The following AFF3 variants were observed in gnomAD, a reference collection of about 807,000 sequenced individuals.
AFF3 encodes AF4/FMR2 family member 3.
A neutral mutation model predicts 129.7 loss-of-function variants in AFF3; 32 were observed. The observed-to-expected ratio is 0.25, with a 90% CI of 0.19 to 0.33. The LOEUF (loss-of-function observed/expected upper bound fraction) is 0.33. Ranked by LOEUF, AFF3 falls within the 10% of genes least tolerant of loss-of-function variation. The pLI is 1.00. For synonymous variants in AFF3, 644 were observed against 635.4 expected, an observed-to-expected ratio of 1.01 and a Z score of -0.20; for missense variants, 1,373 against 1,592.0, an observed-to-expected ratio of 0.86 and a Z score of 2.34.
intron 7 of AFF3, among the ~76,000 whole-genome samples, chr2:99,920,203 C>T (rs980186341): frequency 6.6e-6 from 1 of 151,992 alleles, no homozygotes; most frequent in African/African-American, 2.4e-5. Flanking sequence ...CACTTCCCAA[C>T]TCATCCTGTA....
At chr2:99,556,154 T>C (rs1674895371) in intron 22 of AFF3, among the ~76,000 whole-genome samples, 1 of 152,174 alleles carries the variant, frequency 6.6e-6, no homozygotes, top group Admixed American at 6.5e-5. Context: ...TAAAGGCTAC[T>C]GAATGGAGGA....
At chr2:99,698,833 A>G (rs1056357500) in intron 11 of AFF3, among the ~76,000 whole-genome samples, 5 of 152,240 alleles carry the variant, frequency 3.3e-5, no homozygotes, top group African/African-American at 2.4e-5. Flanking sequence ...ACATAAATAT[A>G]ACCAAAATGT....
At chr2:99,615,957 G>A (rs1397941135) in intron 13 of AFF3, among the ~76,000 whole-genome samples, 2 of 152,192 alleles carry the variant, frequency 1.3e-5, no homozygotes, top group Non-Finnish European at 2.9e-5. Flanking sequence ...GGAAATGCTG[G>A]GAGATTCTGG....
intron 24 of AFF3, 126 bp downstream of exon 24, chr2:99,554,185 A>ATAAT (rs1409245647): frequency 1.0e-6 from 1 of 1,004,724 alleles, no homozygotes; most frequent in Non-Finnish European, 1.5e-6. Context: ...AATGCCTGAT[A>ATAAT]TAATGTCAAA....
At position 99,944,746 on chromosome 2, in the gene AFF3, G is replaced by A. The variant is rs116578218; in HGVS notation, c.873+61886C>T. Among the ~76,000 whole-genome samples, 1,330 of 152,234 alleles carry A rather than the reference G, an allele frequency of 8.7e-3. 23 individuals carry two copies. The highest frequency in any genetic ancestry group is 9.2e-3 in the Non-Finnish European group (627 of 68,008). The stretch of plus-strand genomic sequence containing the variant: ...AGGCATTGGGTGACAGAGCTGCCAC[G>A]GGGCTCGCCTCTAGCCAGAGTGATA... On this transcript the variant is annotated intron_variant, in intron 7 of 24. Coordinates refer to ENST00000672756, the MANE Select transcript of AFF3 (RefSeq NM_001386135.1).
chr2:100,070,692 G>A (rs147879617), intron 4 of AFF3, among the ~76,000 whole-genome samples: 39 of 152,218 alleles, frequency 2.6e-4, no homozygotes, highest in Admixed American at 7.2e-4. Context: ...ATTTCCAACT[G>A]ATCCAAACTG....
At chr2:99,636,899 G>C (rs73964183) in intron 13 of AFF3, among the ~76,000 whole-genome samples, 9,323 of 152,292 alleles carry the variant, frequency 0.061, 950 homozygotes, top group African/African-American at 0.21. Context: ...CTGGCCCGGG[G>C]CTACCTCTGG....
At chr2:99,674,149 G>A (rs1209134118) in intron 11 of AFF3, among the ~76,000 whole-genome samples, 1 of 152,198 alleles carries the variant, frequency 6.6e-6, no homozygotes, top group East Asian at 1.9e-4. Flanking sequence ...GCCGAGAGGT[G>A]TCGTTCTTCT....
chr2:99,846,509 C>G (rs1029463494), intron 7 of AFF3, among the ~76,000 whole-genome samples: 1 of 152,132 alleles, frequency 6.6e-6, no homozygotes, highest in Non-Finnish European at 1.5e-5. Flanking sequence ...GAAATGTACA[C>G]GAAAACACAT....
chr2:99,804,185 C>G (rs977525489), intron 8 of AFF3, among the ~76,000 whole-genome samples: 1 of 152,132 alleles, frequency 6.6e-6, no homozygotes, highest in African/African-American at 2.4e-5. Context: ...GCAAACTATT[C>G]ATGTGACAAA....
intron 15 of AFF3, among the ~76,000 whole-genome samples, chr2:99,588,153 G>A (rs1302057321): frequency 6.6e-6 from 1 of 151,996 alleles, no homozygotes; most frequent in Non-Finnish European, 1.5e-5. Flanking sequence ...ACTTTGATTG[G>A]ATCCTTGTTG....
At chr2:99,687,987 T>A (rs1432136494) in intron 11 of AFF3, among the ~76,000 whole-genome samples, 1 of 152,076 alleles carries the variant, frequency 6.6e-6, no homozygotes, top group African/African-American at 2.4e-5. Flanking sequence ...GAACTACAGG[T>A]GCCCGCCACC....
At chr2:100,127,925 C>G (rs1322634608) in intron 2 of AFF3, among the ~76,000 whole-genome samples, 1 of 152,076 alleles carries the variant, frequency 6.6e-6, no homozygotes, top group Non-Finnish European at 1.5e-5. Flanking sequence ...GAGGTCAGCA[C>G]AAGATACAGG....
intron 8 of AFF3, among the ~76,000 whole-genome samples, chr2:99,772,424 G>C (rs913196013): frequency 1.3e-5 from 2 of 152,196 alleles, no homozygotes; most frequent in East Asian, 3.9e-4. Context: ...ATACATGTCA[G>C]GATTCTCTCT....
At chr2:99,692,682 C>T (rs573696248) in intron 11 of AFF3, among the ~76,000 whole-genome samples, 9 of 152,304 alleles carry the variant, frequency 5.9e-5, no homozygotes, top group South Asian at 2.1e-4. Context: ...CTGCCTTCCC[C>T]GACCTTCCCT....
chr2:99,669,308 T>C (rs1012358198), intron 12 of AFF3, among the ~76,000 whole-genome samples: 2 of 152,156 alleles, frequency 1.3e-5, no homozygotes, highest in South Asian at 2.1e-4. Context: ...CCTGCCAAAA[T>C]ATCCACATGC....
chr2:100,007,511 C>T (rs751334799), intron 5 of AFF3, 51 bp from the exon 6 acceptor site: 20 of 1,511,158 alleles, frequency 1.3e-5, no homozygotes, highest in Middle Eastern at 1.8e-4. Context: ...ACAGAAACAC[C>T]GGAGATAATC....
intron 7 of AFF3, among the ~76,000 whole-genome samples, chr2:99,950,174 A>G (rs1227627449): frequency 6.6e-6 from 1 of 152,232 alleles, no homozygotes; most frequent in Non-Finnish European, 1.5e-5. Context: ...CACTGCATCA[A>G]CTCAGTTTGG....
chr2:99,966,273 C>T (rs888282839), intron 7 of AFF3, among the ~76,000 whole-genome samples: 1 of 152,122 alleles, frequency 6.6e-6, no homozygotes, highest in Non-Finnish European at 1.5e-5. Context: ...ACTTACATGG[C>T]TGTAATGGCC....
Sources: gnomAD v4.1 joint callset for allele counts (sites outside exome capture counted in the v4.1 genomes callset) on GRCh38, gnomAD v4.1.1 for gene constraint, MANE v1.5 for transcripts, NCBI Gene and HGNC (gene_info 2026-07-23, HGNC 2026-07-21) for gene names.